AKT3: variants seen among roughly 807,000 people sequenced by gnomAD.
AKT3 encodes the protein AKT serine/threonine kinase 3, also known as RAC-gamma serine/threonine-protein kinase.
A neutral mutation model predicts 65.3 loss-of-function variants in AKT3; 15 were observed. The observed-to-expected ratio is 0.23, with a 90% confidence interval of 0.15 to 0.35. The LOEUF (loss-of-function observed/expected upper bound fraction) is 0.35, where lower values mean the gene tolerates loss of function less well. Ranked by LOEUF, AKT3 falls within the 10% of genes least tolerant of loss-of-function variation. The probability of loss-of-function intolerance (pLI) is 1.00; values close to 1 mark genes in which losing one functional copy is unlikely to be tolerated. For synonymous variants in AKT3, 206 were observed against 183.8 expected, an observed-to-expected ratio of 1.12 and a Z score of -0.98; for missense variants, 243 against 576.5, an observed-to-expected ratio of 0.42 and a Z score of 5.92.
chr1:243,678,498 C>T (rs1004973507), intron 3 of AKT3, among the ~76,000 whole-genome samples: 17 of 152,048 alleles, frequency 1.1e-4, no homozygotes, highest in African/African-American at 4.1e-4. Flanking sequence ...TATCTTTCTC[C>T]AAAATTTATT....
chr1:243,728,565 C>T (rs909905514), intron 2 of AKT3, among the ~76,000 whole-genome samples: 1 of 152,154 alleles, frequency 6.6e-6, no homozygotes, highest in Non-Finnish European at 1.5e-5. Context: ...TTGTATTTCA[C>T]CTAAAACTTT....
rs117671508 is a variant in AKT3, at chr1:243,816,198, C to T, written c.46+26927G>A. ...GAATAGCAGCTTAATGGCCATTCCA[C>T]CTTTAGATGAGTCAAGATGGTGTTT... On this transcript the variant is annotated intron_variant, in intron 2 of 13. Transcript: ENST00000673466. 2.1e-4 allele frequency among the ~76,000 whole-genome samples: 32 copies of T among 152,252 alleles called. No individual in the cohort carries two copies. The East Asian group carries it at 5.6e-3, about 27-fold the overall frequency.
At chr1:243,607,243 T>G (rs971038500) in intron 8 of AKT3, among the ~76,000 whole-genome samples, 4 of 152,126 alleles carry the variant, frequency 2.6e-5, no homozygotes, top group Non-Finnish European at 5.9e-5. Flanking sequence ...GCTTGCACAG[T>G]GCACCTGGAA....
chr1:243,511,892 G>A (rs1670037972), intron 13 of AKT3, among the ~76,000 whole-genome samples: 1 of 152,186 alleles, frequency 6.6e-6, no homozygotes, highest in Non-Finnish European at 1.5e-5. Context: ...AAGTAAAAAG[G>A]AGTGACTCTA....
chr1:243,777,382 C>T (rs982088510), intron 2 of AKT3, among the ~76,000 whole-genome samples: 3 of 152,202 alleles, frequency 2.0e-5, no homozygotes, highest in African/African-American at 7.2e-5. Flanking sequence ...TCCTAACAGG[C>T]CATGGACTGG....
chr1:243,788,417 G>A (rs543536350), intron 2 of AKT3, among the ~76,000 whole-genome samples: 84 of 152,266 alleles, frequency 5.5e-4, no homozygotes, highest in Admixed American at 5.4e-3. Context: ...TGTGAGTGCA[G>A]CTATCCCTGG....
intron 2 of AKT3, among the ~76,000 whole-genome samples, chr1:243,828,976 C>T (rs533405882): frequency 6.6e-5 from 10 of 152,202 alleles, no homozygotes; most frequent in South Asian, 2.1e-4. Context: ...TAAGTGATTA[C>T]GGTATCATTT....
chr1:243,592,558 T>C (rs1676313492), intron 8 of AKT3, among the ~76,000 whole-genome samples: 1 of 152,178 alleles, frequency 6.6e-6, no homozygotes, highest in South Asian at 2.1e-4. Flanking sequence ...GTGACATTTT[T>C]ATAGTAATGA....
intron 2 of AKT3, among the ~76,000 whole-genome samples, chr1:243,701,984 T>C (rs1320727664): frequency 6.6e-6 from 1 of 152,058 alleles, no homozygotes; most frequent in Admixed American, 6.6e-5. Context: ...TGATTATTTG[T>C]CCTTATACAT....
At position 243,728,310 on chromosome 1, in the gene AKT3, T is replaced by A. The variant is rs530365747; in HGVS notation, c.47-32594A>T. Among the ~76,000 whole-genome samples the A allele has an allele frequency of 6.6e-5, 10 of 152,344 alleles. No homozygotes were observed. In the South Asian group the frequency reaches 1.9e-3, roughly 28 times the overall value. On this transcript the variant is annotated intron_variant, in intron 2 of 13. Coordinates refer to ENST00000673466, the MANE Select transcript of AKT3 (RefSeq NM_005465.7). Reference sequence around the variant, plus strand: ...ACCTCAACCAAACTTTGATTCTCAGTACATACTATCCTTGCTTTCTTCCCT... The same window carrying A: ...ACCTCAACCAAACTTTGATTCTCAGAACATACTATCCTTGCTTTCTTCCCT...
chr1:243,631,436 C>T (rs1679604777), intron 6 of AKT3, among the ~76,000 whole-genome samples: 1 of 152,152 alleles, frequency 6.6e-6, no homozygotes, highest in Non-Finnish European at 1.5e-5. Flanking sequence ...TTACAGGCAC[C>T]TGCCATCACA....
chr1:243,840,299 C>T (rs1190576745), intron 2 of AKT3, among the ~76,000 whole-genome samples: 1 of 152,028 alleles, frequency 6.6e-6, no homozygotes. Context: ...CATTTGTTCT[C>T]CAATGAGAAC....
intron 12 of AKT3, among the ~76,000 whole-genome samples, chr1:243,538,181 T>C (rs1672060498): frequency 6.6e-6 from 1 of 152,106 alleles, no homozygotes; most frequent in Admixed American, 6.6e-5. Flanking sequence ...AATAATAGCC[T>C]AAAGAATAGA....
intron 2 of AKT3, among the ~76,000 whole-genome samples, chr1:243,753,086 T>G (rs752071892): frequency 6.6e-6 from 1 of 152,212 alleles, no homozygotes; most frequent in African/African-American, 2.4e-5. Flanking sequence ...GTTCTCCAAA[T>G]GTCCCATATT....
intron 8 of AKT3, among the ~76,000 whole-genome samples, chr1:243,593,893 C>G (rs770228231): frequency 1.3e-5 from 2 of 152,028 alleles, no homozygotes; most frequent in South Asian, 2.1e-4. Context: ...ACACAATGTT[C>G]GCTACTTTTG....
chr1:243,661,047 G>T (rs1445185044), intron 4 of AKT3, among the ~76,000 whole-genome samples: 1 of 152,182 alleles, frequency 6.6e-6, no homozygotes, highest in Non-Finnish European at 1.5e-5. Context: ...ACTGCTCAAA[G>T]AAATAAAAGA....
chr1:243,675,988 C>G (rs1038238834), intron 3 of AKT3, among the ~76,000 whole-genome samples: 2 of 152,088 alleles, frequency 1.3e-5, no homozygotes, highest in Non-Finnish European at 2.9e-5. Context: ...AGCCAGTAAC[C>G]TAGGCACTGA....
chr1:243,554,679 A>G (rs1215285677), intron 10 of AKT3, among the ~76,000 whole-genome samples: 1 of 152,182 alleles, frequency 6.6e-6, no homozygotes, highest in Non-Finnish European at 1.5e-5. Context: ...ATTTTAACTA[A>G]TAACAACCAA....
At chr1:243,684,031 T>C (rs1684101338) in intron 3 of AKT3, among the ~76,000 whole-genome samples, 2 of 152,156 alleles carry the variant, frequency 1.3e-5, no homozygotes. Context: ...AAGAATTTGG[T>C]CTATACCCCG....
Sources: allele counts gnomAD v4.1 joint callset (sites outside exome capture counted in the v4.1 genomes callset), GRCh38; gene constraint gnomAD v4.1.1; transcripts MANE v1.5; gene names NCBI Gene and HGNC (gene_info 2026-07-23, HGNC 2026-07-21).